Variants in CSMD1 observed in about 807,000 individuals in gnomAD.
CSMD1 encodes CUB and sushi domain-containing protein 1.
A neutral mutation model predicts 417.5 loss-of-function variants in CSMD1; 213 were observed. The observed-to-expected ratio is 0.51, with a 90% CI of 0.46 to 0.57. The LOEUF is 0.57. Among genes scored for constraint, CSMD1 ranks in the 20% least tolerant of loss-of-function variants. The probability of loss-of-function intolerance (pLI) is 0.00; values close to 1 mark genes in which losing one functional copy is unlikely to be tolerated. For synonymous variants in CSMD1, 2,862 were observed against 1,736.8 expected, an observed-to-expected ratio of 1.65 and a Z score of -16.11; for missense variants, 6,923 against 4,529.7, an observed-to-expected ratio of 1.53 and a Z score of -15.17.
chr8:4,829,127 C>T (rs550425817), intron 1 of CSMD1, among the ~76,000 whole-genome samples: 1 of 152,258 alleles, frequency 6.6e-6, no homozygotes, highest in East Asian at 1.9e-4. Flanking sequence ...CTGTTTCAGT[C>T]CTTTTGGTTT....
At chr8:4,048,859 AT>A (rs1563363603) in intron 3 of CSMD1, among the ~76,000 whole-genome samples, 2 of 152,232 alleles carry the variant, frequency 1.3e-5, no homozygotes, top group Non-Finnish European at 2.9e-5. Context: ...TTCAATACAG[AT>A]AGATCAAGCT....
At chr8:3,448,337 G>A (rs990191270) in intron 12 of CSMD1, among the ~76,000 whole-genome samples, 1 of 72,840 alleles carries the variant, frequency 1.4e-5, no homozygotes, top group African/African-American at 6.3e-5. Context: ...GCAAGGGAGG[G>A]AGGGAGGGAG....
At chr8:3,963,659 G>A (rs181300018) in intron 5 of CSMD1, among the ~76,000 whole-genome samples, 43 of 152,216 alleles carry the variant, frequency 2.8e-4, no homozygotes, top group South Asian at 1.7e-3. Flanking sequence ...AGCTATGTGC[G>A]TATGATTTTG....
chr8:3,782,117 G>C (rs1244957314), intron 5 of CSMD1, among the ~76,000 whole-genome samples: 3 of 152,110 alleles, frequency 2.0e-5, no homozygotes, highest in Admixed American at 6.6e-5. Context: ...GAAGAATGTA[G>C]GGGTCATATA....
intron 1 of CSMD1, among the ~76,000 whole-genome samples, chr8:4,855,378 C>G (rs1449496240): frequency 1.3e-5 from 2 of 152,198 alleles, no homozygotes; most frequent in East Asian, 3.9e-4. Flanking sequence ...CAAAGGAACG[C>G]AGTTCCTCAC....
At chr8:4,317,518 T>A (rs1382065462) in intron 3 of CSMD1, among the ~76,000 whole-genome samples, 1 of 152,182 alleles carries the variant, frequency 6.6e-6, no homozygotes, top group African/African-American at 2.4e-5. Flanking sequence ...GTAAGTGACT[T>A]TTCTTGGCTG....
intron 5 of CSMD1, among the ~76,000 whole-genome samples, chr8:3,930,423 A>G (rs1222683463): frequency 6.6e-6 from 1 of 150,744 alleles, no homozygotes; most frequent in African/African-American, 2.4e-5. Flanking sequence ...AGCAAGCATT[A>G]GGTCAAAGCC....
At chr8:3,779,705 C>T (rs561652201) in intron 5 of CSMD1, among the ~76,000 whole-genome samples, 60 of 152,042 alleles carry the variant, frequency 3.9e-4, no homozygotes, top group South Asian at 1.9e-3. Context: ...CACTATCTAG[C>T]GCATATTTTA....
At chr8:3,986,237 T>G (rs1814310556) in intron 5 of CSMD1, among the ~76,000 whole-genome samples, 1 of 152,108 alleles carries the variant, frequency 6.6e-6, no homozygotes, top group African/African-American at 2.4e-5. Context: ...GAGGAAGAGC[T>G]TTATAACTTC....
chr8:4,502,464 T>C (rs1802308571), intron 2 of CSMD1, among the ~76,000 whole-genome samples: 1 of 152,138 alleles, frequency 6.6e-6, no homozygotes, highest in South Asian at 2.1e-4. Flanking sequence ...TAGTAATATT[T>C]CTCCAACAAC....
chr8:3,294,980 A>T (rs1035642760), intron 25 of CSMD1, among the ~76,000 whole-genome samples: 1 of 152,018 alleles, frequency 6.6e-6, no homozygotes, highest in African/African-American at 2.4e-5. Context: ...CATCCCATTT[A>T]TATTTTTAGA....
At position 3,394,525 on chromosome 8, in the gene CSMD1, G is replaced by A. The variant is rs184459265; in HGVS notation, c.2593+1669C>T. ...ACAGCTACAGAAATACAGATGAAAA[G>A]AAAGGAAAAGTGTTCTAATATTTGT... On this transcript the variant is annotated intron_variant, in intron 17 of 69. Transcript: ENST00000635120. Among the ~76,000 whole-genome samples, 457 of 152,048 alleles carry A rather than the reference G, an allele frequency of 3.0e-3. 11 individuals are homozygous for A. The highest frequency in any genetic ancestry group is 0.028 in the Admixed American group (431 of 15,278).
rs531062068 is a variant in CSMD1 at position 3,816,705 on chromosome 8, C to G, written c.819-62663G>C. 2.6e-5 allele frequency among the ~76,000 whole-genome samples: 4 copies of G among 152,224 alleles called. No individual in the cohort carries two copies. In the South Asian group the frequency reaches 8.3e-4, roughly 32 times the overall value. On this transcript the variant is annotated intron_variant, in intron 5 of 69. Transcript: ENST00000635120. ...CTCAATTACACTGATTTTACCTTTA[C>G]AAATCATGGGAATGTATTTAATTAT... is the stretch of plus-strand genomic sequence containing the variant.
chr8:4,064,219 T>G (rs1291490807), intron 3 of CSMD1, among the ~76,000 whole-genome samples: 1 of 152,218 alleles, frequency 6.6e-6, no homozygotes, highest in Non-Finnish European at 1.5e-5. Context: ...GATTTGTTTC[T>G]GCATCCCAGT....
intron 5 of CSMD1, among the ~76,000 whole-genome samples, chr8:3,924,353 C>G (rs757916845): frequency 5.9e-5 from 9 of 152,112 alleles, no homozygotes; most frequent in Non-Finnish European, 8.8e-5. Context: ...ATGAGAATCA[C>G]TAAAAGCTCA....
intron 26 of CSMD1, among the ~76,000 whole-genome samples, chr8:3,270,017 A>G (rs1333726296): frequency 1.3e-5 from 2 of 150,958 alleles, no homozygotes; most frequent in Non-Finnish European, 3.0e-5. Context: ...GAAGCATGGA[A>G]GATGAGCAAG....
At chr8:3,676,123 G>C (rs1304129657) in intron 7 of CSMD1, among the ~76,000 whole-genome samples, 4 of 152,200 alleles carry the variant, frequency 2.6e-5, no homozygotes, top group Non-Finnish European at 5.9e-5. Context: ...CTTGTTATAA[G>C]ATACTATTAT....
chr8:3,774,551 C>T (rs1426654620), intron 5 of CSMD1, among the ~76,000 whole-genome samples: 1 of 152,144 alleles, frequency 6.6e-6, no homozygotes, highest in Non-Finnish European at 1.5e-5. Context: ...CATTCCCCTC[C>T]TTAGTGGACA....
intron 1 of CSMD1, among the ~76,000 whole-genome samples, chr8:4,735,168 C>T (rs1416407687): frequency 6.6e-6 from 1 of 152,176 alleles, no homozygotes; most frequent in Admixed American, 6.5e-5. Context: ...AATGCTCCCT[C>T]ACCAATGAGG....
Sources: gnomAD v4.1 joint callset for allele counts (sites outside exome capture counted in the v4.1 genomes callset) on GRCh38, gnomAD v4.1.1 for gene constraint, MANE v1.5 for transcripts, NCBI Gene and HGNC (gene_info 2026-07-23, HGNC 2026-07-21) for gene names.